Variants in MSH3 observed in about 807,000 individuals in gnomAD.
MSH3 encodes the protein mutS homolog 3.
A neutral mutation model predicts 123.3 loss-of-function variants in MSH3; 106 were observed. The ratio of observed to expected loss-of-function variants is 0.86; its 90% CI spans 0.73 to 1.01. MSH3 has a LOEUF of 1.01. MSH3 is among the 50% of genes least tolerant of loss of function. The probability of loss-of-function intolerance (pLI) is 0.00; values close to 1 mark genes in which losing one functional copy is unlikely to be tolerated. For synonymous variants in MSH3, 515 were observed against 481.4 expected, an observed-to-expected ratio of 1.07 and a Z score of -0.91; for missense variants, 1,459 against 1,347.6, an observed-to-expected ratio of 1.08 and a Z score of -1.29.
At chr5:80,713,121 G>A (rs1358529252) in intron 8 of MSH3, among the ~76,000 whole-genome samples, 3 of 152,084 alleles carry the variant, frequency 2.0e-5, no homozygotes, top group East Asian at 3.9e-4. Flanking sequence ...TTCTAAAGTC[G>A]GTATAGATCA....
chr5:80,787,180 T>C (rs1744524480), intron 17 of MSH3, among the ~76,000 whole-genome samples: 1 of 152,208 alleles, frequency 6.6e-6, no homozygotes, highest in African/African-American at 2.4e-5. Flanking sequence ...TGGAGGATGC[T>C]GTGAAGGAGA....
At chr5:80,744,056 T>C (rs1743669407) in intron 11 of MSH3, among the ~76,000 whole-genome samples, 1 of 152,122 alleles carries the variant, frequency 6.6e-6, no homozygotes, top group African/African-American at 2.4e-5. Flanking sequence ...TAAAATAAAA[T>C]CCTTCCTGGG....
chr5:80,714,878 A>G (rs1431759175), intron 8 of MSH3, among the ~76,000 whole-genome samples: 2 of 152,222 alleles, frequency 1.3e-5, no homozygotes, highest in East Asian at 3.8e-4. Context: ...ATAAAAATTG[A>G]TAAGAACTTT....
chr5:80,749,709 A>AT (rs953992057), intron 12 of MSH3, among the ~76,000 whole-genome samples: 115 of 151,248 alleles, frequency 7.6e-4, no homozygotes, highest in South Asian at 1.3e-3. Flanking sequence ...AACATTTATC[A>AT]TTTTTTTTTG....
intron 22 of MSH3, among the ~76,000 whole-genome samples, chr5:80,870,593 G>C (rs1580102725): frequency 2.0e-5 from 3 of 152,282 alleles, no homozygotes; most frequent in Admixed American, 6.5e-5. Flanking sequence ...GGGGGCAAAA[G>C]GTACTGTCAG....
rs1399321606 is a variant in MSH3 at position 80,875,722 on chromosome 5, T to G, written c.3303-29T>G. ...ATTGTCTCCCAGCAATTTCATTTAT[T>G]AAATAAGTAGTATTTGATTTTTCCC... On this transcript the variant is annotated intron_variant, in intron 23 of 23. Coordinates refer to ENST00000265081, the MANE Select transcript of MSH3 (RefSeq NM_002439.5). 4 of 1,292,370 alleles carry G rather than the reference T, an allele frequency of 3.1e-6. No homozygotes were observed. In the Admixed American group the frequency reaches 5.1e-5, roughly 16 times the overall value. The allele number at this position is 1,292,370 out of a possible 1,614,324, so 80.1% of individuals were successfully genotyped here. A position where few individuals can be genotyped will look rare whatever the true frequency, so the allele number is the denominator to read the frequency against.
Position 80,695,479 on chromosome 5 carries a change from C to T in MSH3, c.1340+16386C>T, listed in dbSNP as rs143624985. Among the ~76,000 whole-genome samples, 660 of 152,066 alleles carry T rather than the reference C, an allele frequency of 4.3e-3. 6 individuals are homozygous for T. Among genetic ancestry groups the T allele is most frequent in the African/African-American group, 0.015 (634 of 41,484 alleles). ...CCTCCCTAGTAGCTGGTATTATAGG[C>T]GCCTGCCACCACGCCCAGCTAATTT... On this transcript the variant is annotated intron_variant, in intron 8 of 23. Transcript: ENST00000265081.
At chr5:80,873,019 G>A (rs558970107) in intron 22 of MSH3, 97 bp from the exon 23 acceptor site, 27 of 1,086,876 alleles carry the variant, frequency 2.5e-5, no homozygotes, top group South Asian at 1.3e-4. Context: ...CAGATTGTAC[G>A]ATTTAATAAA....
chr5:80,729,475 T>C (rs1430633177), intron 10 of MSH3, among the ~76,000 whole-genome samples: 1 of 148,160 alleles, frequency 6.7e-6, no homozygotes, highest in South Asian at 2.1e-4. Context: ...TATATATATA[T>C]ATATAAAGAA....
intron 17 of MSH3, among the ~76,000 whole-genome samples, chr5:80,780,716 A>T (rs1744395842): frequency 1.3e-5 from 2 of 152,236 alleles, no homozygotes; most frequent in African/African-American, 4.8e-5. Flanking sequence ...AAAATACAAA[A>T]ATTAGCCGGG....
chr5:80,732,148 A>C (rs1015948576), intron 10 of MSH3, among the ~76,000 whole-genome samples: 4 of 152,224 alleles, frequency 2.6e-5, no homozygotes, highest in Non-Finnish European at 5.9e-5. Context: ...AAAATAGTGT[A>C]ACAAAATAAA....
chr5:80,864,734 C>T, intron 21 of MSH3, 79 bp from the exon 22 acceptor site: 1 of 1,354,184 alleles, frequency 7.4e-7, no homozygotes, highest in Non-Finnish European at 1.0e-6. Flanking sequence ...TAAAATTTTT[C>T]AAAAGAAAGT....
At chr5:80,664,794 T>C (rs1425821812) in intron 2 of MSH3, among the ~76,000 whole-genome samples, 1 of 152,168 alleles carries the variant, frequency 6.6e-6, no homozygotes, top group African/African-American at 2.4e-5. Flanking sequence ...CTGAATTGGT[T>C]ACTGTTCATT....
chr5:80,833,224 G>A (rs2112081128), intron 20 of MSH3, among the ~76,000 whole-genome samples: 1 of 151,160 alleles, frequency 6.6e-6, no homozygotes, highest in South Asian at 2.1e-4. Context: ...TCACATAACT[G>A]TAACCTTCTG....
chr5:80,738,790 A>C (rs1382292993), intron 10 of MSH3, among the ~76,000 whole-genome samples: 2 of 152,212 alleles, frequency 1.3e-5, no homozygotes, highest in Non-Finnish European at 2.9e-5. Context: ...GTTGAAACCT[A>C]ATGACTACTG....
At chr5:80,844,625 G>A (rs550636606) in intron 20 of MSH3, among the ~76,000 whole-genome samples, 2 of 152,278 alleles carry the variant, frequency 1.3e-5, no homozygotes, top group South Asian at 4.1e-4. Flanking sequence ...AAGTCTTCCT[G>A]TTGAATTGAT....
chr5:80,744,030 A>G (rs1743668822), intron 11 of MSH3, among the ~76,000 whole-genome samples: 2 of 152,130 alleles, frequency 1.3e-5, no homozygotes, highest in African/African-American at 2.4e-5. Context: ...TTTTCTAAGG[A>G]TTTAGTAAAA....
chr5:80,664,346 A>T (rs940576036), intron 2 of MSH3, among the ~76,000 whole-genome samples: 1 of 152,182 alleles, frequency 6.6e-6, no homozygotes, highest in African/African-American at 2.4e-5. Context: ...TGTCAATATC[A>T]AGTCTTTCCG....
At chr5:80,860,584 T>G (rs1580095911) in intron 21 of MSH3, among the ~76,000 whole-genome samples, 2 of 151,836 alleles carry the variant, frequency 1.3e-5, no homozygotes, top group Admixed American at 6.6e-5. Context: ...CTTACTTCAG[T>G]ATTTTTTTTT....
Sources: allele counts gnomAD v4.1 joint callset (sites outside exome capture counted in the v4.1 genomes callset), GRCh38; gene constraint gnomAD v4.1.1; transcripts MANE v1.5; gene names NCBI Gene and HGNC (gene_info 2026-07-23, HGNC 2026-07-21).